The following KCND2 variants were observed in gnomAD, a reference collection of about 807,000 sequenced individuals.
KCND2 encodes the protein potassium voltage-gated channel subfamily D member 2, also known as A-type voltage-gated potassium channel KCND2.
KCND2 carries 16 observed loss-of-function variants against 54.4 expected under a neutral mutation model. The ratio of observed to expected loss-of-function variants is 0.29; its 90% CI spans 0.20 to 0.45. The LOEUF is 0.45. Ranked by LOEUF, KCND2 falls within the 20% of genes least tolerant of loss-of-function variation. The pLI is 1.00. For synonymous variants in KCND2, 317 were observed against 310.7 expected, an observed-to-expected ratio of 1.02 and a Z score of -0.21; for missense variants, 486 against 824.2, an observed-to-expected ratio of 0.59 and a Z score of 5.02.
intron 1 of KCND2, among the ~76,000 whole-genome samples, chr7:120,659,118 G>A (rs896704510): frequency 5.3e-5 from 8 of 152,190 alleles, no homozygotes; most frequent in Admixed American, 3.3e-4. Context: ...GGTCAAGAGT[G>A]CAAAAGGAGA....
chr7:120,545,211 C>A (rs926630009), intron 1 of KCND2, among the ~76,000 whole-genome samples: 2 of 151,948 alleles, frequency 1.3e-5, no homozygotes, highest in Admixed American at 1.3e-4. Context: ...CTGTTTCCCA[C>A]CCATCAATCT....
At chr7:120,524,002 A>T (rs1791736278) in intron 1 of KCND2, among the ~76,000 whole-genome samples, 1 of 151,936 alleles carries the variant, frequency 6.6e-6, no homozygotes, top group African/African-American at 2.4e-5. Context: ...TTGGGAGGCC[A>T]AGTTGGGCAG....
intron 1 of KCND2, among the ~76,000 whole-genome samples, chr7:120,336,743 A>G (rs1800157483): frequency 6.6e-6 from 1 of 152,170 alleles, no homozygotes; most frequent in Non-Finnish European, 1.5e-5. Flanking sequence ...TTTTATGTGT[A>G]CAGACATAAG....
intron 1 of KCND2, among the ~76,000 whole-genome samples, chr7:120,572,092 G>A (rs577879196): frequency 2.0e-5 from 3 of 152,016 alleles, no homozygotes; most frequent in Admixed American, 6.6e-5. Flanking sequence ...TGAAAAGAAC[G>A]ATTGCCTTGA....
intron 1 of KCND2, among the ~76,000 whole-genome samples, chr7:120,712,855 G>A (rs1440451721): frequency 2.6e-5 from 4 of 152,106 alleles, no homozygotes; most frequent in African/African-American, 9.7e-5. Context: ...TCATCTGCAA[G>A]GTCCAGAATG....
chr7:120,447,110 G>C (rs1802028490), intron 1 of KCND2, among the ~76,000 whole-genome samples: 1 of 151,966 alleles, frequency 6.6e-6, no homozygotes, highest in Non-Finnish European at 1.5e-5. Context: ...TCAAGAAATG[G>C]ATAAGCCAGT....
chr7:120,673,143 A>G (rs1404903966), intron 1 of KCND2, among the ~76,000 whole-genome samples: 1 of 152,106 alleles, frequency 6.6e-6, no homozygotes, highest in African/African-American at 2.4e-5. Flanking sequence ...GCCTCTGAAG[A>G]AACCAAACTT....
At chr7:120,510,488 TC>T (rs1803097549) in intron 1 of KCND2, among the ~76,000 whole-genome samples, 1 of 152,060 alleles carries the variant, frequency 6.6e-6, no homozygotes, top group African/African-American at 2.4e-5. Flanking sequence ...AAACCTAAAT[TC>T]AAACTCAACC....
intron 1 of KCND2, among the ~76,000 whole-genome samples, chr7:120,276,536 T>C (rs1378498599): frequency 6.6e-6 from 1 of 152,180 alleles, no homozygotes; most frequent in East Asian, 1.9e-4. Flanking sequence ...GATAGAGCAG[T>C]ATCTGGTAAG....
intron 1 of KCND2, among the ~76,000 whole-genome samples, chr7:120,404,094 T>A (rs1353186025): frequency 6.6e-6 from 1 of 152,202 alleles, no homozygotes; most frequent in Non-Finnish European, 1.5e-5. Context: ...AGTTTGGGCT[T>A]TCTTGTTTTA....
chr7:120,323,473 A>G (rs1490728028), intron 1 of KCND2, among the ~76,000 whole-genome samples: 2 of 125,452 alleles, frequency 1.6e-5, no homozygotes, highest in Non-Finnish European at 3.3e-5. Flanking sequence ...AACAGTCCCC[A>G]GAGTGTGATG....
intron 1 of KCND2, among the ~76,000 whole-genome samples, chr7:120,637,201 T>G (rs1793315836): frequency 1.3e-5 from 2 of 152,158 alleles, no homozygotes; most frequent in African/African-American, 4.8e-5. Context: ...TGAGTCTTCA[T>G]AATCTGGAAT....
At position 120,516,112 on chromosome 7, in the gene KCND2, A is replaced by G. The variant is rs145224157; in HGVS notation, c.1116-216791A>G. Among the ~76,000 whole-genome samples the G allele has an allele frequency of 2.7e-3, 405 of 152,244 alleles. 1 individual carries two copies. The highest frequency in any genetic ancestry group is 9.3e-3 in the African/African-American group (385 of 41,556). ...TCATATTTTGATCTTCCAAATTTCA[A>G]GTAATACTGTTTAATAAGGGAATAT... On this transcript the variant is annotated intron_variant, in intron 1 of 5. Coordinates refer to ENST00000331113, the MANE Select transcript of KCND2 (RefSeq NM_012281.3).
At chr7:120,383,002 G>C (rs951889981) in intron 1 of KCND2, among the ~76,000 whole-genome samples, 10 of 151,880 alleles carry the variant, frequency 6.6e-5, no homozygotes, top group African/African-American at 2.4e-4. Flanking sequence ...TACCTTTCCT[G>C]TCACTAGTTA....
At chr7:120,385,956 A>G (rs1016871949) in intron 1 of KCND2, among the ~76,000 whole-genome samples, 2 of 152,148 alleles carry the variant, frequency 1.3e-5, no homozygotes, top group African/African-American at 2.4e-5. Context: ...TACTAATTCC[A>G]TCTAGACTTC....
At chr7:120,732,854 G>A (rs954574135) in intron 1 of KCND2, 49 bp from the exon 2 acceptor site, 2 of 1,503,782 alleles carry the variant, frequency 1.3e-6, no homozygotes, top group African/African-American at 2.8e-5. Context: ...AGGTAGAAAT[G>A]TCTTTCTGTG....
intron 1 of KCND2, among the ~76,000 whole-genome samples, chr7:120,432,161 A>G (rs952390421): frequency 9.2e-5 from 14 of 152,114 alleles, no homozygotes; most frequent in Admixed American, 3.9e-4. Flanking sequence ...TGTAAATATC[A>G]CCGTTTATTT....
intron 1 of KCND2, among the ~76,000 whole-genome samples, chr7:120,500,692 A>G (rs2116316292): frequency 6.6e-6 from 1 of 152,106 alleles, no homozygotes; most frequent in South Asian, 2.1e-4. Flanking sequence ...CAACATTATA[A>G]AAAATGCAGA....
intron 1 of KCND2, among the ~76,000 whole-genome samples, chr7:120,702,821 A>G (rs1298986624): frequency 6.6e-6 from 1 of 152,178 alleles, no homozygotes; most frequent in Non-Finnish European, 1.5e-5. Context: ...CAGAAAAAGT[A>G]ACTAATAGGT....
Sources: allele counts gnomAD v4.1 joint callset (sites outside exome capture counted in the v4.1 genomes callset), GRCh38; gene constraint gnomAD v4.1.1; transcripts MANE v1.5; gene names NCBI Gene and HGNC (gene_info 2026-07-23, HGNC 2026-07-21).